The following CERS5 variants were observed in gnomAD, a reference collection of about 807,000 sequenced individuals.
CERS5 encodes ceramide synthase 5, also known as LAG1 homolog, ceramide synthase 5.
Under a neutral mutation model 58.9 loss-of-function variants are expected in CERS5, and 37 were observed. The ratio of observed to expected loss-of-function variants is 0.63; its 90% confidence interval spans 0.48 to 0.83. The LOEUF (loss-of-function observed/expected upper bound fraction) is 0.83, where lower values mean the gene tolerates loss of function less well. CERS5 is among the 40% of genes least tolerant of loss of function. CERS5 has a pLI of 0.00. For synonymous variants in CERS5, 147 were observed against 177.8 expected (o/e 0.83, Z 1.38); for missense variants, 398 against 489.3 (o/e 0.81, Z 1.76).
intron 1 of CERS5, among the ~76,000 whole-genome samples, chr12:50,159,100 T>C (rs988286796): frequency 9.2e-5 from 14 of 152,108 alleles, no homozygotes; most frequent in African/African-American, 3.1e-4. Flanking sequence ...GGCGGGCGAA[T>C]CATGAGGTCA....
At chr12:50,147,093 T>C (rs192033642) in intron 1 of CERS5, among the ~76,000 whole-genome samples, 1 of 152,078 alleles carries the variant, frequency 6.6e-6, no homozygotes, top group Non-Finnish European at 1.5e-5. Context: ...AAGGTTGGTA[T>C]TTGGTATAAC....
At chr12:50,140,109 T>A (rs1292332733) in intron 4 of CERS5, among the ~76,000 whole-genome samples, 1 of 152,152 alleles carries the variant, frequency 6.6e-6, no homozygotes, top group Non-Finnish European at 1.5e-5. Flanking sequence ...TTAGATCAAC[T>A]TTAAACCTTT....
At chr12:50,160,847 A>G (rs1338861711) in intron 1 of CERS5, among the ~76,000 whole-genome samples, 5 of 152,232 alleles carry the variant, frequency 3.3e-5, no homozygotes, top group Non-Finnish European at 7.3e-5. Context: ...AGACTTTCTT[A>G]TCTCTCTTTT....
chr12:50,166,580 G>A (rs561510416), intron 1 of CERS5, among the ~76,000 whole-genome samples: 10 of 152,236 alleles, frequency 6.6e-5, no homozygotes, highest in African/African-American at 2.4e-4. Context: ...CCAACTCTTA[G>A]GGCCAAACTA....
At chr12:50,137,693 A>G (rs377417503) in intron 6 of CERS5, 35 bp downstream of exon 6, 30 of 1,143,822 alleles carry the variant, frequency 2.6e-5, no homozygotes, top group African/African-American at 4.6e-5. Context: ...GGAGGATGTA[A>G]TAAGTTGGGG....
At chr12:50,141,956 AAAG>A (rs1370429176) in intron 4 of CERS5, 94 bp downstream of exon 4, 24 of 767,614 alleles carry the variant, frequency 3.1e-5, no homozygotes, top group African/African-American at 5.5e-5. Context: ...AAAAAAAAAA[AAAG>A]AAAAGAAAAA....
intron 2 of CERS5, chr12:50,143,528 C>T (rs1361600196): frequency 3.5e-5 from 10 of 284,922 alleles, no homozygotes; most frequent in South Asian, 1.9e-4. Flanking sequence ...CGAAGGATGG[C>T]TTGAGCCCAG....
chr12:50,158,699 C>T (rs1355131242), intron 1 of CERS5, among the ~76,000 whole-genome samples: 2 of 152,148 alleles, frequency 1.3e-5, no homozygotes, highest in African/African-American at 4.8e-5. Context: ...TAACCGATTT[C>T]AATCTATAAC....
intron 1 of CERS5, among the ~76,000 whole-genome samples, chr12:50,158,105 C>A (rs1938862322): frequency 6.8e-6 from 1 of 148,080 alleles, no homozygotes; most frequent in Non-Finnish European, 1.5e-5. Flanking sequence ...ATGTTTTTCT[C>A]AAGGAATGCA....
intron 1 of CERS5, among the ~76,000 whole-genome samples, chr12:50,154,750 G>C (rs1183595964): frequency 6.6e-6 from 1 of 151,982 alleles, no homozygotes; most frequent in Non-Finnish European, 1.5e-5. Flanking sequence ...CACAGGTCTT[G>C]AGCTCCTGAG....
intron 1 of CERS5, chr12:50,144,546 A>C (rs184119361): frequency 7.6e-4 from 282 of 372,158 alleles, no homozygotes; most frequent in Non-Finnish European, 5.6e-4. Context: ...TCTTAATTGG[A>C]GGGAAAAGTA....
intron 1 of CERS5, chr12:50,154,118 G>T (rs760044166): frequency 1.9e-5 from 5 of 257,730 alleles, no homozygotes; most frequent in Non-Finnish European, 3.9e-5. Flanking sequence ...ACTTTGGGAG[G>T]CCGAGGCAGG....
chr12:50,144,891 T>A (rs1454062862), intron 1 of CERS5: 1 of 781,322 alleles, frequency 1.3e-6, no homozygotes, highest in Non-Finnish European at 1.9e-6. Flanking sequence ...ATCCCAGCAC[T>A]TTGGGAGGCT....
intron 1 of CERS5, among the ~76,000 whole-genome samples, chr12:50,148,915 A>ATATATATATAT: frequency 1.7e-5 from 1 of 57,662 alleles, no homozygotes; most frequent in Non-Finnish European, 3.4e-5. Flanking sequence ...AAAAAAAAAA[A>ATATATATATAT]AAAAAAAAAA....
rs559611785 is a variant in CERS5 at position 50,138,071 on chromosome 12, A to T, written c.544-251T>A. The stretch of plus-strand genomic sequence containing the variant: ...TGAGATACAGTTAACACATACTGTA[A>T]CACAATCAAATCAGTATGTCTAGGA... On this transcript the variant is annotated intron_variant, in intron 5 of 9. Coordinates refer to ENST00000317551, the MANE Select transcript of CERS5 (RefSeq NM_147190.5). Among the ~76,000 whole-genome samples, 61 of 152,330 alleles carry T rather than the reference A, an allele frequency of 4.0e-4. 1 individual carries two copies. Among genetic ancestry groups the T allele is most frequent in the Admixed American group, 3.1e-3 (47 of 15,296 alleles).
Position 50,167,159 on chromosome 12 carries a change from T to A in CERS5, c.139A>T (p.Ile47Phe). ...DGYGYPRGRH[I>F]LSVFPLAAGI... ...GCCGCCAGCGGGAACACCGAGAGGATGTGCCGGCCGCGGGGGTAACCGTAG... is the reference window on the plus strand; with the variant it reads ...GCCGCCAGCGGGAACACCGAGAGGAAGTGCCGGCCGCGGGGGTAACCGTAG... Residue 47 changes from isoleucine (I) to phenylalanine (F), a missense_variant, in exon 1 of 10, where the codon ATC becomes TTC. Transcript: ENST00000317551. 1 of 1,596,486 alleles carries A rather than the reference T, an allele frequency of 6.3e-7. No individual in the cohort carries two copies. The highest frequency in any genetic ancestry group is 1.1e-5 in the South Asian group (1 of 89,960).
chr12:50,143,204 A>G lies in CERS5; in HGVS notation c.304T>C (p.Tyr102His). 1 of 1,614,040 alleles carries G rather than the reference A, an allele frequency of 6.2e-7. No individual in the cohort carries two copies. Among genetic ancestry groups the G allele is most frequent in the Non-Finnish European group, 8.5e-7 (1 of 1,179,972 alleles). Residue 102 changes from tyrosine to histidine, a missense_variant and splice_region_variant, in exon 3 of 10, where the codon TAT (tyrosine) becomes CAT (histidine). Coordinates refer to ENST00000317551, the MANE Select transcript of CERS5 (RefSeq NM_147190.5). ...LEKVFISITK[Y>H]PDKKRLEGLS... ...CCCTCCAGCCTTTTCTTATCAGGAT[A>G]CTGTGAATGTATAACCAGAGTCAGA...
intron 1 of CERS5, among the ~76,000 whole-genome samples, chr12:50,146,650 G>A (rs928755742): frequency 6.6e-6 from 1 of 152,048 alleles, no homozygotes; most frequent in Non-Finnish European, 1.5e-5. Context: ...ACGAGGTCAG[G>A]AGATCGAGAC....
intron 6 of CERS5, among the ~76,000 whole-genome samples, chr12:50,136,534 GAACACTCCCTACATC>G (rs1443681300): frequency 4.0e-5 from 6 of 151,850 alleles, no homozygotes; most frequent in African/African-American, 1.5e-4. Context: ...GCATTTAACT[GAACACTCCCTACATC>G]AGTGACTGAC....
Sources: allele counts gnomAD v4.1 joint callset (sites outside exome capture counted in the v4.1 genomes callset), GRCh38; gene constraint gnomAD v4.1.1; transcripts MANE v1.5; gene names NCBI Gene and HGNC (gene_info 2026-07-23, HGNC 2026-07-21).